Variants in LPAR3 observed in about 807,000 individuals in gnomAD.
The protein encoded by LPAR3 is lysophosphatidic acid receptor 3.
In LPAR3, 7 loss-of-function variants were observed where a neutral mutation model predicts 17.8. The ratio of observed to expected loss-of-function variants is 0.39; its 90% confidence interval spans 0.22 to 0.74. The LOEUF (loss-of-function observed/expected upper bound fraction) is 0.74, where lower values mean the gene tolerates loss of function less well. Ranked by LOEUF, LPAR3 falls within the 30% of genes least tolerant of loss-of-function variation. The pLI is 0.40. For missense variants in LPAR3, 391 were observed against 453.4 expected (o/e 0.86, Z 1.25); for synonymous variants, 179 against 179.9 (o/e 0.99, Z 0.04).
chr1:84,861,958 C>T (rs1346217866), intron 2 of LPAR3, among the ~76,000 whole-genome samples: 7 of 152,226 alleles, frequency 4.6e-5, no homozygotes, highest in Non-Finnish European at 1.0e-4. Flanking sequence ...AAATTACATA[C>T]AAAACTGAAG....
intron 2 of LPAR3, among the ~76,000 whole-genome samples, chr1:84,837,616 A>G (rs1247380234): frequency 6.6e-6 from 1 of 152,246 alleles, no homozygotes; most frequent in Non-Finnish European, 1.5e-5. Flanking sequence ...TATATATGTT[A>G]TTACACCTAC....
chr1:84,834,843 AG>A (rs1167489838), intron 2 of LPAR3, among the ~76,000 whole-genome samples: 1 of 152,150 alleles, frequency 6.6e-6, no homozygotes, highest in Non-Finnish European at 1.5e-5. Context: ...ACTACACACA[AG>A]GGTCATCAAC....
intron 2 of LPAR3, among the ~76,000 whole-genome samples, chr1:84,837,450 G>T (rs1444262243): frequency 6.6e-6 from 1 of 152,116 alleles, no homozygotes; most frequent in Admixed American, 6.5e-5. Flanking sequence ...CCAGTCTGGC[G>T]CCAGCAAGAA....
At chr1:84,872,094 T>G (rs1293578498) in intron 1 of LPAR3, among the ~76,000 whole-genome samples, 3 of 152,192 alleles carry the variant, frequency 2.0e-5, no homozygotes, top group Non-Finnish European at 4.4e-5. Context: ...TTTGATGAAG[T>G]TATGCTTAGG....
chr1:84,847,414 G>A (rs1659613013), intron 2 of LPAR3, among the ~76,000 whole-genome samples: 1 of 152,116 alleles, frequency 6.6e-6, no homozygotes, highest in South Asian at 2.1e-4. Context: ...ACGTTGCCCT[G>A]GTGATGTTGA....
At chr1:84,868,474 T>G (rs188373817) in intron 1 of LPAR3, among the ~76,000 whole-genome samples, 26 of 152,284 alleles carry the variant, frequency 1.7e-4, no homozygotes, top group African/African-American at 5.8e-4. Context: ...GCTAATCTAG[T>G]GATACTCAAT....
Position 84,813,757 on chromosome 1 carries a change from C to A in LPAR3, c.*89G>T. On this transcript the variant is annotated 3_prime_UTR_variant, in exon 3 of 3. Transcript: ENST00000370611. The stretch of plus-strand genomic sequence containing the variant: ...TGATTAATGGAGACCTCAAATAACA[C>A]TGTACATGGGCTTTGTTAGAGACAG... 4.6e-6 allele frequency: 5 copies of A among 1,088,624 alleles called. No homozygotes were observed. The highest frequency in any genetic ancestry group is 6.6e-6 in the Non-Finnish European group (5 of 758,010). The allele number at this position is 1,088,624 out of a possible 1,614,324, so 67.4% of individuals were successfully genotyped here.
At chr1:84,832,029 G>A (rs893211708) in intron 2 of LPAR3, among the ~76,000 whole-genome samples, 1 of 152,036 alleles carries the variant, frequency 6.6e-6, no homozygotes, top group Non-Finnish European at 1.5e-5. Context: ...ACTCTTGGGT[G>A]GAAACCTAGT....
intron 1 of LPAR3, among the ~76,000 whole-genome samples, chr1:84,877,442 G>A (rs1660280193): frequency 6.6e-6 from 1 of 152,200 alleles, no homozygotes; most frequent in African/African-American, 2.4e-5. Flanking sequence ...GTCAGACACA[G>A]TCCCCAAGTA....
intron 2 of LPAR3, among the ~76,000 whole-genome samples, chr1:84,831,456 T>TA (rs1659281219): frequency 6.6e-6 from 1 of 151,982 alleles, no homozygotes; most frequent in African/African-American, 2.4e-5. Context: ...ACTCCATCTC[T>TA]AAAAAAATAA....
intron 2 of LPAR3, 120 bp downstream of exon 2, chr1:84,865,265 G>A (rs1317457283): frequency 5.3e-6 from 6 of 1,123,132 alleles, no homozygotes; most frequent in Non-Finnish European, 6.2e-6. Context: ...GGCGATTTAT[G>A]TCCGTTCTTG....
chr1:84,878,217 T>G (rs1375163537), intron 1 of LPAR3, among the ~76,000 whole-genome samples: 1 of 152,206 alleles, frequency 6.6e-6, no homozygotes, highest in Non-Finnish European at 1.5e-5. Flanking sequence ...TTCCCAAATC[T>G]TCTGTTTACA....
chr1:84,880,523 A>C lies in LPAR3; in HGVS notation c.-19+12493T>G, dbSNP rs72718745. ...GGACAATGCCAGGCAGGTCTGTAGT[A>C]ATGATCAGAGTATGGGTGCATCTTC... On this transcript the variant is annotated intron_variant, in intron 1 of 2. Coordinates refer to ENST00000370611, the MANE Select transcript of LPAR3 (RefSeq NM_012152.3). 1.1e-3 allele frequency among the ~76,000 whole-genome samples: 170 copies of C among 152,348 alleles called. 1 individual carries two copies. The highest frequency in any genetic ancestry group is 2.5e-3 in the South Asian group (12 of 4,822).
At chr1:84,867,957 T>A (rs1660085349) in intron 1 of LPAR3, among the ~76,000 whole-genome samples, 1 of 152,220 alleles carries the variant, frequency 6.6e-6, no homozygotes, top group Non-Finnish European at 1.5e-5. Context: ...TGTATTTCAC[T>A]TTTATAAGCA....
intron 2 of LPAR3, among the ~76,000 whole-genome samples, chr1:84,846,699 C>T (rs1659599463): frequency 6.6e-6 from 1 of 152,076 alleles, no homozygotes; most frequent in Non-Finnish European, 1.5e-5. Flanking sequence ...CATTAAATTG[C>T]TTTCATTACC....
chr1:84,888,040 C>CT lies in LPAR3; in HGVS notation c.-19+4975dup, dbSNP rs577857026. ...GTTATATAGGAGGACAGAGTGCTTG[C>CT]TTTTTTTTTTATGCTGGAGTGTTTT... is the stretch of plus-strand genomic sequence containing the variant. On this transcript the variant is annotated intron_variant, in intron 1 of 2. Transcript: ENST00000370611. Among the ~76,000 whole-genome samples, 330 of 144,924 alleles carry CT rather than the reference C, an allele frequency of 2.3e-3. 3 individuals are homozygous for CT. In the South Asian group the frequency reaches 0.042, roughly 19 times the overall value.
chr1:84,831,633 T>A (rs1038421403), intron 2 of LPAR3, among the ~76,000 whole-genome samples: 2 of 151,914 alleles, frequency 1.3e-5, no homozygotes, highest in African/African-American at 4.8e-5. Flanking sequence ...TACAAGTAAC[T>A]TTTTAAATAG....
chr1:84,831,222 C>G (rs912871210), intron 2 of LPAR3, among the ~76,000 whole-genome samples: 12 of 150,444 alleles, frequency 8.0e-5, no homozygotes, highest in Non-Finnish European at 1.8e-4. Context: ...ACTGGTCTGT[C>G]TTTGGTTTTT....
At chr1:84,875,654 G>C (rs1358814736) in intron 1 of LPAR3, among the ~76,000 whole-genome samples, 1 of 152,198 alleles carries the variant, frequency 6.6e-6, no homozygotes, top group African/African-American at 2.4e-5. Context: ...CCAGTCTCTG[G>C]TATTCTCTTT....
Sources: allele counts gnomAD v4.1 joint callset (sites outside exome capture counted in the v4.1 genomes callset), GRCh38; gene constraint gnomAD v4.1.1; transcripts MANE v1.5; gene names NCBI Gene and HGNC (gene_info 2026-07-23, HGNC 2026-07-21).